Variants in RTL4 observed in about 807,000 individuals in gnomAD.
RTL4 encodes the protein retrotransposon Gag-like protein 4.
In RTL4, 4 loss-of-function variants were observed where a neutral mutation model predicts 5.3. The ratio of observed to expected loss-of-function variants is 0.75; its 90% CI spans 0.37 to 1.72. RTL4 has a LOEUF of 1.72. RTL4 is among the 40% of genes most tolerant of loss of function. The pLI is 0.04. For synonymous variants in RTL4, 98 were observed against 87.3 expected (o/e 1.12, Z -0.68); for missense variants, 260 against 227.1 (o/e 1.14, Z -0.93).
the RTL4 span, among the ~76,000 whole-genome samples, chrX:112,157,064 T>TTGTGTGTGTGTG: frequency 4.1e-4 from 40 of 96,587 alleles, no homozygotes; most frequent in African/African-American, 7.2e-4. Flanking sequence ...GTTATACTGT[T>TTGTGTGTGTGTG]TGTGTGTGTG....
At chrX:112,381,895 A>G in the RTL4 span, 3 of 1,210,095 alleles carry the variant, frequency 2.5e-6, no homozygotes, top group Admixed American at 4.3e-5. Flanking sequence ...TGGGAAAGAG[A>G]AAAAGAAGAG....
At chrX:112,380,970 G>C in the RTL4 span, among the ~76,000 whole-genome samples, 5 of 111,384 alleles carry the variant, frequency 4.5e-5, no homozygotes, top group Admixed American at 9.4e-5. Flanking sequence ...CACAGAGAAC[G>C]GGGAGTGGAG....
the RTL4 span, among the ~76,000 whole-genome samples, chrX:112,422,690 T>C: frequency 2.7e-5 from 3 of 111,330 alleles, no homozygotes; most frequent in Non-Finnish European, 5.7e-5. Flanking sequence ...CTCAAAAGCC[T>C]TAAGAATATA....
At chrX:112,216,712 T>C in the RTL4 span, among the ~76,000 whole-genome samples, 1 of 112,045 alleles carries the variant, frequency 8.9e-6, no homozygotes, top group Non-Finnish European at 1.9e-5. Flanking sequence ...ATGATTGGCT[T>C]AGAGAGACCT....
At chrX:112,101,204 A>G in the RTL4 span, among the ~76,000 whole-genome samples, 15 of 111,961 alleles carry the variant, frequency 1.3e-4, no homozygotes, top group South Asian at 3.7e-4. Flanking sequence ...TCACAATTCA[A>G]TCAGGCTAGA....
At chrX:112,331,503 AAAC>A in the RTL4 span, among the ~76,000 whole-genome samples, 4 of 105,260 alleles carry the variant, frequency 3.8e-5, no homozygotes, top group African/African-American at 1.0e-4. Context: ...AAAAGTCAGG[AAAC>A]AACAGGTGCT....
chrX:112,170,103 A>G, the RTL4 span, among the ~76,000 whole-genome samples: 2 of 111,981 alleles, frequency 1.8e-5, no homozygotes, highest in Non-Finnish European at 3.8e-5. Context: ...TCTTTATTCT[A>G]TTCCATTGGT....
At chrX:112,256,344 T>G in the RTL4 span, among the ~76,000 whole-genome samples, 1 of 112,135 alleles carries the variant, frequency 8.9e-6, no homozygotes, top group Non-Finnish European at 1.9e-5. Context: ...AAAAATATTC[T>G]ATTCCTATGC....
chrX:112,373,980 G>C, the RTL4 span, among the ~76,000 whole-genome samples: 1 of 110,960 alleles, frequency 9.0e-6, no homozygotes, highest in Non-Finnish European at 1.9e-5. Context: ...TTATTGATGA[G>C]TAGTTTAATG....
the RTL4 span, among the ~76,000 whole-genome samples, chrX:112,144,035 G>T: frequency 3.6e-5 from 4 of 111,089 alleles, no homozygotes; most frequent in African/African-American, 1.3e-4. Flanking sequence ...ATAAAGAAAA[G>T]AATCTTCTGT....
chrX:112,263,232 A>T, the RTL4 span, among the ~76,000 whole-genome samples: 1 of 109,825 alleles, frequency 9.1e-6, no homozygotes, highest in African/African-American at 3.3e-5. Context: ...GTAAATCAGT[A>T]AATGCAGTGG....
At chrX:112,127,865 A>C in the RTL4 span, among the ~76,000 whole-genome samples, 17 of 112,146 alleles carry the variant, frequency 1.5e-4, no homozygotes, top group African/African-American at 4.9e-4. Flanking sequence ...ATGTTTAACC[A>C]AGGAAGGAAA....
At chrX:112,272,260 T>C in the RTL4 span, among the ~76,000 whole-genome samples, 1 of 112,252 alleles carries the variant, frequency 8.9e-6, no homozygotes, top group African/African-American at 3.2e-5. Flanking sequence ...ATGGGTTAAA[T>C]AGTTATTTTA....
the RTL4 span, among the ~76,000 whole-genome samples, chrX:112,196,349 G>A: frequency 9.0e-6 from 1 of 111,319 alleles, no homozygotes; most frequent in Non-Finnish European, 1.9e-5. Context: ...GTAGTCCGTG[G>A]TATGAATGTT....
chrX:112,402,852 CT>C, the RTL4 span, among the ~76,000 whole-genome samples: 1 of 111,149 alleles, frequency 9.0e-6, no homozygotes, highest in African/African-American at 3.3e-5. Context: ...AACCAGACAG[CT>C]TTAAGGAAGG....
the RTL4 span, among the ~76,000 whole-genome samples, chrX:112,400,405 A>G: frequency 9.0e-6 from 1 of 111,195 alleles, no homozygotes; most frequent in Non-Finnish European, 1.9e-5. Flanking sequence ...GTTCTTTTTT[A>G]TTTTTCAAAT....
At chrX:112,157,064 TTGTGTGTGTGTGTGTG>T in the RTL4 span, among the ~76,000 whole-genome samples, 2 of 96,583 alleles carry the variant, frequency 2.1e-5, no homozygotes, top group Non-Finnish European at 4.2e-5. Flanking sequence ...GTTATACTGT[TTGTGTGTGTGTGTGTG>T]TGTGTGTGTG....
At chrX:112,308,119 C>A in the RTL4 span, among the ~76,000 whole-genome samples, 1 of 111,436 alleles carries the variant, frequency 9.0e-6, no homozygotes, top group Non-Finnish European at 1.9e-5. Context: ...GACTTAAAAT[C>A]ATGCCACTTT....
chrX:112,312,132 C>G, the RTL4 span, among the ~76,000 whole-genome samples: 1 of 111,394 alleles, frequency 9.0e-6, no homozygotes. Context: ...TTCCAGACAT[C>G]AAAGTGTAGT....
Sources: gnomAD v4.1 joint callset for allele counts (sites outside exome capture counted in the v4.1 genomes callset) on GRCh38, gnomAD v4.1.1 for gene constraint, MANE v1.5 for transcripts, NCBI Gene and HGNC (gene_info 2026-07-23, HGNC 2026-07-21) for gene names.